ZNF254: variants seen among roughly 807,000 people sequenced by gnomAD.
ZNF254 encodes the protein zinc finger protein 254, also known as CTD-2017D11.1.
In ZNF254, 10 loss-of-function variants were observed where a neutral mutation model predicts 12.4. The ratio of observed to expected loss-of-function variants is 0.80; its 90% CI spans 0.50 to 1.36. ZNF254 has a LOEUF of 1.36. ZNF254 is among the 40% of genes most tolerant of loss of function. The probability of loss-of-function intolerance (pLI) is 0.00; values close to 1 mark genes in which losing one functional copy is unlikely to be tolerated. For missense variants in ZNF254, 996 were observed against 763.9 expected (o/e 1.30, Z -3.58); for synonymous variants, 305 against 253.4 (o/e 1.20, Z -1.93).
intron 3 of ZNF254, among the ~76,000 whole-genome samples, chr19:24,109,715 CTTTTCT>C (rs1377548502): frequency 2.1e-4 from 29 of 138,020 alleles, no homozygotes; most frequent in African/African-American, 7.2e-4. Context: ...TTTTTCTTTT[CTTTTCT>C]TTTTTTTTTT....
At chr19:24,053,134 T>G (rs895541338) in intron 2 of ZNF254, among the ~76,000 whole-genome samples, 3 of 152,188 alleles carry the variant, frequency 2.0e-5, no homozygotes, top group African/African-American at 7.2e-5. Context: ...GTTAGAAAAT[T>G]AAATCTCATG....
chr19:24,060,898 G>A (rs1313957565), intron 2 of ZNF254, among the ~76,000 whole-genome samples: 1 of 152,060 alleles, frequency 6.6e-6, no homozygotes, highest in Non-Finnish European at 1.5e-5. Context: ...TGTTTCTCCT[G>A]AGTCCTACCC....
intron 3 of ZNF254, among the ~76,000 whole-genome samples, chr19:24,116,312 C>CT (rs1974071228): frequency 6.6e-6 from 1 of 152,156 alleles, no homozygotes. Context: ...GTTCCATTCT[C>CT]TCCGTCACTT....
chr19:24,111,803 T>G (rs1034353233), intron 3 of ZNF254, among the ~76,000 whole-genome samples: 59 of 150,558 alleles, frequency 3.9e-4, no homozygotes, highest in Non-Finnish European at 7.2e-4. Flanking sequence ...TGGGGTTGTT[T>G]TTTTCTTGTA....
At chr19:24,113,358 G>A (rs1383158858) in intron 3 of ZNF254, among the ~76,000 whole-genome samples, 6 of 152,194 alleles carry the variant, frequency 3.9e-5, no homozygotes, top group Admixed American at 3.9e-4. Context: ...TCATCCCTGG[G>A]ATGCAGGGCT....
intron 1 of ZNF254, chr19:24,033,747 C>T: frequency 4.9e-6 from 1 of 204,796 alleles, no homozygotes; most frequent in Non-Finnish European, 1.0e-5. Context: ...CCCCAGGCCC[C>T]TCTGGCCGCA....
chr19:24,093,812 G>A (rs1433761936), intron 1 of ZNF254, among the ~76,000 whole-genome samples: 1 of 151,132 alleles, frequency 6.6e-6, no homozygotes, highest in African/African-American at 2.4e-5. Flanking sequence ...TTTTTTTTTA[G>A]TTCTTTTAAA....
At chr19:24,049,214 ATTTTTTTTT>A (rs66491625) in intron 2 of ZNF254, among the ~76,000 whole-genome samples, 1 of 40,892 alleles carries the variant, frequency 2.4e-5, no homozygotes, top group Non-Finnish European at 4.1e-5. Context: ...ATATATATAT[ATTTTTTTTT>A]TTTTTTTAAT....
At chr19:24,114,404 C>T (rs1973902604) in intron 3 of ZNF254, among the ~76,000 whole-genome samples, 1 of 130,632 alleles carries the variant, frequency 7.7e-6, no homozygotes, top group Non-Finnish European at 1.6e-5. Flanking sequence ...CTTTGACAAA[C>T]CTGAGAAAAA....
intron 2 of ZNF254, chr19:24,065,950 TGATCTCTGCTCACA>T (rs1295406752): frequency 3.3e-5 from 5 of 152,178 alleles, no homozygotes; most frequent in African/African-American, 1.2e-4. Context: ...TTCTCCTGCC[TGATCTCTGCTCACA>T]GAGAAATTGT....
chr19:24,057,441 C>T (rs146995897), intron 2 of ZNF254, among the ~76,000 whole-genome samples: 44 of 152,244 alleles, frequency 2.9e-4, no homozygotes, highest in African/African-American at 9.4e-4. Context: ...GCCACAGGTA[C>T]GATTATGGGT....
intron 3 of ZNF254, among the ~76,000 whole-genome samples, chr19:24,113,559 C>G (rs1026482678): frequency 3.4e-4 from 52 of 152,200 alleles, no homozygotes; most frequent in Middle Eastern, 6.8e-3. Context: ...CTATCTATGC[C>G]AAACCCACAG....
intron 3 of ZNF254, among the ~76,000 whole-genome samples, chr19:24,114,109 A>C (rs1221055202): frequency 6.6e-6 from 1 of 151,942 alleles, no homozygotes; most frequent in Non-Finnish European, 1.5e-5. Flanking sequence ...TGCCCAAGGT[A>C]ATTTATAGAT....
Position 24,106,244 on chromosome 19 carries a change from C to T in ZNF254, c.157+178C>T, listed in dbSNP as rs184110801. 4,211 of 829,672 alleles carry T rather than the reference C, an allele frequency of 5.1e-3. 17 individuals are homozygous for T. The highest frequency in any genetic ancestry group is 6.4e-3 in the Non-Finnish European group (3,720 of 583,052). The allele number at this position is 829,672 out of a possible 1,614,324, so 51.4% of individuals were successfully genotyped here. On this transcript the variant is annotated intron_variant, in intron 2 of 3. Coordinates refer to ENST00000357002, the MANE Select transcript of ZNF254 (RefSeq NM_203282.4). ...ATCTTGACCTGAACTTTCCACATTCCTGAGCTAATCTGTGTCCTGCACTTT... is the reference window on the plus strand; with the variant it reads ...ATCTTGACCTGAACTTTCCACATTCTTGAGCTAATCTGTGTCCTGCACTTT...
At chr19:24,033,565 G>T (rs1969845129) in exon 1 of ZNF254, 4 of 354,252 alleles carry the variant, frequency 1.1e-5, no homozygotes, top group South Asian at 4.4e-5. Context: ...CCTGTGATCT[G>T]CAGGTCCGGA....
intron 3 of ZNF254, among the ~76,000 whole-genome samples, chr19:24,116,590 C>T (rs892422029): frequency 2.0e-5 from 3 of 150,148 alleles, no homozygotes; most frequent in Non-Finnish European, 2.9e-5. Context: ...TCTAGGTATA[C>T]ATTTGTCTAA....
chr19:24,127,070 A>T lies in ZNF254; in HGVS notation c.1070A>T (p.Lys357Ile). Residue 357 changes from lysine (K) to isoleucine (I), a missense_variant, in exon 4 of 4, where the codon AAA (lysine) becomes ATA (isoleucine). Coordinates refer to ENST00000357002, the MANE Select transcript of ZNF254 (RefSeq NM_203282.4). Reference sequence around the variant, plus strand: ...CCCTACAAATGTGAAGAATGTGGCAAAGCTTTTAGCCAGTCCTCAACCCTT... The same window carrying T: ...CCCTACAAATGTGAAGAATGTGGCATAGCTTTTAGCCAGTCCTCAACCCTT... The part of the protein sequence containing the change: ...EKPYKCEECG[K>I]AFSQSSTLTT... 1 of 1,613,674 alleles carries T rather than the reference A, an allele frequency of 6.2e-7. No homozygotes were observed. The highest frequency in any genetic ancestry group is 8.5e-7 in the Non-Finnish European group (1 of 1,179,850).
intron 3 of ZNF254, among the ~76,000 whole-genome samples, chr19:24,115,977 A>T (rs187113403): frequency 1.9e-3 from 296 of 152,230 alleles, no homozygotes; most frequent in Middle Eastern, 0.014. Flanking sequence ...CTGGATATGA[A>T]ATTCTGTGTT....
intron 1 of ZNF254, among the ~76,000 whole-genome samples, chr19:24,043,010 GT>G (rs550992827): frequency 6.6e-6 from 1 of 151,806 alleles, no homozygotes; most frequent in Admixed American, 6.6e-5. Flanking sequence ...TTCTTTTTAG[GT>G]TTTTTTGTTT....
Sources: allele counts gnomAD v4.1 joint callset (sites outside exome capture counted in the v4.1 genomes callset), GRCh38; gene constraint gnomAD v4.1.1; transcripts MANE v1.5; gene names NCBI Gene and HGNC (gene_info 2026-07-23, HGNC 2026-07-21).